BMP10: variants seen among roughly 807,000 people sequenced by gnomAD.
BMP10 encodes bone morphogenetic protein 10.
Under a neutral mutation model 29.9 loss-of-function variants are expected in BMP10, and 9 were observed. The observed-to-expected ratio is 0.30, with a 90% CI of 0.18 to 0.53. BMP10 has a LOEUF of 0.53. Ranked by LOEUF, BMP10 falls within the 20% of genes least tolerant of loss-of-function variation. The probability of loss-of-function intolerance (pLI) is 0.96; values close to 1 mark genes in which losing one functional copy is unlikely to be tolerated. For synonymous variants in BMP10, 202 were observed against 200.2 expected, an observed-to-expected ratio of 1.01 and a Z score of -0.07; for missense variants, 474 against 524.3, an observed-to-expected ratio of 0.90 and a Z score of 0.94.
intron 1 of BMP10, among the ~76,000 whole-genome samples, chr2:68,868,913 T>A (rs1683019656): frequency 6.6e-6 from 1 of 152,274 alleles, no homozygotes; most frequent in African/African-American, 2.4e-5. Flanking sequence ...GCGATTATAC[T>A]TTTATACATC....
chr2:68,870,906 T>A (rs1683054012), intron 1 of BMP10, 119 bp downstream of exon 1: 1 of 884,878 alleles, frequency 1.1e-6, no homozygotes, highest in Non-Finnish European at 1.7e-6. Context: ...TGTATCCATA[T>A]GTATTTAACA....
At chr2:68,866,695 A>C in intron 1 of BMP10, 124 bp from the exon 2 acceptor site, 1 of 724,354 alleles carries the variant, frequency 1.4e-6, no homozygotes, top group Non-Finnish European at 2.2e-6. Context: ...GAAGGGAGAA[A>C]ATCAATGAGA....
Position 68,865,660 on chromosome 2 carries a change from T to G in BMP10, c.1246A>C (p.Met416Leu). ...VVTYKFKYEGMAVSECGCR is the reference protein window; with the variant it reads ...VVTYKFKYEGLAVSECGCR ...CTACAGCCACATTCGGAGACGGCCA[T>G]GCCTTCGTATTTAAACTTGTAGGTG... Residue 416 changes from methionine to leucine, a missense_variant, in exon 2 of 2, where the codon ATG (methionine) becomes CTG (leucine). By Grantham distance (15) the Met-to-Leu change is conservative (BLOSUM62 2). Around this residue, in one of 2 missense-constraint regions of BMP10, gnomAD observed 66 missense variants for 109.0 expected, o/e 0.61. Coordinates refer to ENST00000295379, the MANE Select transcript of BMP10 (RefSeq NM_014482.3). This position sits in a 1 kb window ranked among gnomAD's most constrained non-coding sequence, Gnocchi z 4.7. The G allele has an allele frequency of 6.2e-7, 1 of 1,614,092 alleles. No homozygotes were observed. Among genetic ancestry groups the G allele is most frequent in the Non-Finnish European group, 8.5e-7 (1 of 1,179,946 alleles).
rs1425156179 is a variant in BMP10, at chr2:68,861,417, A to G, written c.*4214T>C. On this transcript the variant is annotated 3_prime_UTR_variant, in exon 2 of 2. Transcript: ENST00000295379. ...TTTTAACTTATGACAAATATTTCAC[A>G]TGCAGAAACACCCCTGTGTACTTCT... Among the ~76,000 whole-genome samples, 2 of 152,226 alleles carry G rather than the reference A, an allele frequency of 1.3e-5. No homozygotes were observed. Among genetic ancestry groups the G allele is most frequent in the East Asian group, 3.8e-4 (2 of 5,204 alleles).
chr2:68,871,112 C>A lies in BMP10; in HGVS notation c.247G>T (p.Glu83Ter). Residue 83 changes from glutamate (E) to a stop codon, truncating the protein, a stop_gained, in exon 1 of 2, where the codon GAG becomes TAG. Coordinates refer to ENST00000295379, the MANE Select transcript of BMP10 (RefSeq NM_014482.3). LOFTEE classifies it high-confidence loss of function. ...TTGTTGTAGAGTTCCAACATGTACT[C>A]TGGTGGGTCCACCTTGGCTGAATCC... is the stretch of plus-strand genomic sequence containing the variant. ...TQDSAKVDPP[E>*]YMLELYNKFA... 1 of 1,614,190 alleles carries A rather than the reference C, an allele frequency of 6.2e-7. No individual in the cohort carries two copies. The highest frequency in any genetic ancestry group is 8.5e-7 in the Non-Finnish European group (1 of 1,180,032).
At chr2:68,867,194 T>C (rs1682977400) in intron 1 of BMP10, among the ~76,000 whole-genome samples, 1 of 152,236 alleles carries the variant, frequency 6.6e-6, no homozygotes, top group South Asian at 2.1e-4. Flanking sequence ...TGTCTGTGGC[T>C]ACTTTTGCAC....
At position 68,864,048 on chromosome 2, in the gene BMP10, T is replaced by A. The variant is rs1682908940; in HGVS notation, c.*1583A>T. Among the ~76,000 whole-genome samples the A allele has an allele frequency of 6.6e-6, 1 of 152,042 alleles. No individual in the cohort carries two copies. The highest frequency in any genetic ancestry group is 6.6e-5 in the Admixed American group (1 of 15,250). On this transcript the variant is annotated 3_prime_UTR_variant, in exon 2 of 2. Transcript: ENST00000295379. ...ATGCTTGCCAGGTAGAGGGAAATGGTTAGGGGTTAAGACTGGAGGCTGCCA... is the reference window on the plus strand; with the variant it reads ...ATGCTTGCCAGGTAGAGGGAAATGGATAGGGGTTAAGACTGGAGGCTGCCA...
At position 68,864,503 on chromosome 2, in the gene BMP10, T is replaced by A. The variant is rs765726192; in HGVS notation, c.*1128A>T. On this transcript the variant is annotated 3_prime_UTR_variant, in exon 2 of 2. Transcript: ENST00000295379. ...GTCCCTTTCCAGTTCACAGCATGCA[T>A]CATGAAGGCCAGGGAAGAGCAGGGA... Among the ~76,000 whole-genome samples the A allele has an allele frequency of 3.3e-5, 5 of 151,874 alleles. No individual in the cohort carries two copies. Among genetic ancestry groups the A allele is most frequent in the Non-Finnish European group, 7.4e-5 (5 of 67,982 alleles).
At position 68,864,563 on chromosome 2, in the gene BMP10, C is replaced by T. The variant is rs1320009486; in HGVS notation, c.*1068G>A. The stretch of plus-strand genomic sequence containing the variant: ...GGGAGGAAGGTGAGAGGCACTAGGG[C>T]CAAGAAGAAAGAGGGAAGGAAGAAG... On this transcript the variant is annotated 3_prime_UTR_variant, in exon 2 of 2. Coordinates refer to ENST00000295379, the MANE Select transcript of BMP10 (RefSeq NM_014482.3). 1.3e-5 allele frequency among the ~76,000 whole-genome samples: 2 copies of T among 151,748 alleles called. No homozygotes were observed. The highest frequency in any genetic ancestry group is 4.8e-5 in the African/African-American group (2 of 41,266).
chr2:68,866,120 A>C lies in BMP10; in HGVS notation c.786T>G (p.Ser262Arg), dbSNP rs753046138. ...TCAGTTCCTCCTTCCTCTCCTTGTC[A>C]CTGCTTTGGTCATCAGAAAACACGA... is the stretch of plus-strand genomic sequence containing the variant. The part of the protein sequence containing the change: ...LLIVFSDDQS[S>R]DKERKEELNE... The change falls in exon 2 of 2, where the codon AGT becomes AGG. Residue 262 changes from serine (S) to arginine (R), a missense_variant. Physicochemically the swap from Ser to Arg is moderately radical, Grantham distance 110. Around this residue, in one of 2 missense-constraint regions of BMP10, gnomAD observed 408 missense variants for 415.3 expected, o/e 0.98. Coordinates refer to ENST00000295379, the MANE Select transcript of BMP10 (RefSeq NM_014482.3). 1 of 1,613,978 alleles carries C rather than the reference A, an allele frequency of 6.2e-7. No individual in the cohort carries two copies. Among genetic ancestry groups the C allele is most frequent in the Middle Eastern group, 1.7e-4 (1 of 6,060 alleles).
rs1682889278 is a variant in BMP10 at position 68,863,006 on chromosome 2, A to T, written c.*2625T>A. On this transcript the variant is annotated 3_prime_UTR_variant, in exon 2 of 2. Coordinates refer to ENST00000295379, the MANE Select transcript of BMP10 (RefSeq NM_014482.3). ...AGAGTGACTATAAGTGCTCGAGACA[A>T]GATTTCTCCAGAAGCCCGGAGCCAG... Among the ~76,000 whole-genome samples, 1 of 152,204 alleles carries T rather than the reference A, an allele frequency of 6.6e-6. No individual in the cohort carries two copies. Among genetic ancestry groups the T allele is most frequent in the African/African-American group, 2.4e-5 (1 of 41,450 alleles).
chr2:68,868,285 T>A (rs566704262), intron 1 of BMP10, among the ~76,000 whole-genome samples: 1 of 152,310 alleles, frequency 6.6e-6, no homozygotes, highest in East Asian at 1.9e-4. Flanking sequence ...TGGAAAGCCC[T>A]TTCACCTCAC....
intron 1 of BMP10, among the ~76,000 whole-genome samples, chr2:68,869,421 C>G (rs1246718879): frequency 1.3e-5 from 2 of 152,206 alleles, no homozygotes; most frequent in East Asian, 3.8e-4. Context: ...TTCCTGCAGA[C>G]TGGCAGAGGT....
chr2:68,867,394 T>C (rs1682984677), intron 1 of BMP10, among the ~76,000 whole-genome samples: 2 of 152,222 alleles, frequency 1.3e-5, no homozygotes, highest in Non-Finnish European at 2.9e-5. Context: ...TATATGGTTC[T>C]CTATAAAGAG....
At chr2:68,869,365 G>T (rs1197313743) in intron 1 of BMP10, among the ~76,000 whole-genome samples, 1 of 152,174 alleles carries the variant, frequency 6.6e-6, no homozygotes, top group African/African-American at 2.4e-5. Context: ...GGCAATAGTA[G>T]CCAACAGGGC....
intron 1 of BMP10, among the ~76,000 whole-genome samples, chr2:68,869,351 G>A (rs1477622994): frequency 6.6e-6 from 1 of 152,172 alleles, no homozygotes; most frequent in Non-Finnish European, 1.5e-5. Flanking sequence ...AGAGTCAGAA[G>A]AGAGGCAATA....
At chr2:68,870,170 T>C (rs1683040345) in intron 1 of BMP10, among the ~76,000 whole-genome samples, 2 of 152,210 alleles carry the variant, frequency 1.3e-5, no homozygotes, top group Admixed American at 6.5e-5. Flanking sequence ...AAAATTAAAT[T>C]AGTTCCTTTG....
chr2:68,866,734 C>T (rs1013338174), intron 1 of BMP10, among the ~76,000 whole-genome samples, 163 bp from the exon 2 acceptor site: 1 of 152,150 alleles, frequency 6.6e-6, no homozygotes, highest in Non-Finnish European at 1.5e-5. Flanking sequence ...TTCTGTGACA[C>T]AGGAAATCCC....
At chr2:68,870,563 T>C (rs1683046631) in intron 1 of BMP10, among the ~76,000 whole-genome samples, 1 of 152,224 alleles carries the variant, frequency 6.6e-6, no homozygotes, top group African/African-American at 2.4e-5. Flanking sequence ...TAAAAACTTA[T>C]CAAAAGTTTG....
Sources: allele counts gnomAD v4.1 joint callset (sites outside exome capture counted in the v4.1 genomes callset), GRCh38; gene constraint gnomAD v4.1.1; regional missense constraint gnomAD v4.1.1; non-coding constraint Gnocchi (gnomAD v3.1); transcripts MANE v1.5; gene names NCBI Gene and HGNC (gene_info 2026-07-23, HGNC 2026-07-21).